HPSE2: variants seen among roughly 807,000 people sequenced by gnomAD.
HPSE2 encodes inactive heparanase-2.
In HPSE2, 38 loss-of-function variants were observed where a neutral mutation model predicts 60.5. The ratio of observed to expected loss-of-function variants is 0.63; its 90% CI spans 0.48 to 0.82. The LOEUF (loss-of-function observed/expected upper bound fraction) is 0.82. HPSE2 is among the 40% of genes least tolerant of loss of function. HPSE2 has a pLI of 0.00. For synonymous variants in HPSE2, 295 were observed against 293.2 expected (o/e 1.01, Z -0.06); for missense variants, 713 against 740.4 (o/e 0.96, Z 0.43).
At chr10:99,203,886 G>A (rs907713006) in intron 2 of HPSE2, among the ~76,000 whole-genome samples, 1 of 100,818 alleles carries the variant, frequency 9.9e-6, no homozygotes, top group Non-Finnish European at 2.6e-5. Context: ...CCAGGCCCAA[G>A]GGTCCAGGCC....
At chr10:99,146,380 G>C (rs964927012) in intron 2 of HPSE2, among the ~76,000 whole-genome samples, 2 of 152,198 alleles carry the variant, frequency 1.3e-5, no homozygotes, top group Non-Finnish European at 2.9e-5. Context: ...TATGTAACAT[G>C]GTTCTGGAAA....
At chr10:99,311,965 A>G in the HPSE2 span, among the ~76,000 whole-genome samples, 1 of 152,228 alleles carries the variant, frequency 6.6e-6, no homozygotes. Context: ...TCTAGATAGA[A>G]GATCAACCCA....
chr10:99,173,670 G>A (rs774564782), intron 2 of HPSE2, among the ~76,000 whole-genome samples: 8 of 152,090 alleles, frequency 5.3e-5, no homozygotes, highest in South Asian at 2.1e-4. Context: ...GAGGCCAGGC[G>A]CGGTGGCTCA....
chr10:98,742,960 TTTCC>T (rs1384671156), intron 4 of HPSE2, among the ~76,000 whole-genome samples: 4 of 118,368 alleles, frequency 3.4e-5, no homozygotes, highest in South Asian at 2.9e-4. Flanking sequence ...TCTTCTTTTT[TTTCC>T]TTTTCTTTTC....
At chr10:98,669,096 AAAG>A (rs1383666091) in intron 6 of HPSE2, among the ~76,000 whole-genome samples, 1 of 151,888 alleles carries the variant, frequency 6.6e-6, no homozygotes, top group Non-Finnish European at 1.5e-5. Context: ...ATGCTTATCA[AAAG>A]AAGATGTACA....
intron 2 of HPSE2, among the ~76,000 whole-genome samples, chr10:99,179,141 T>C (rs1262364810): frequency 6.6e-6 from 1 of 152,216 alleles, no homozygotes. Context: ...GACCTACTTA[T>C]GACAAACTCA....
At chr10:99,013,441 C>T in intron 3 of HPSE2, 2 of 505,076 alleles carry the variant, frequency 4.0e-6, no homozygotes, top group Non-Finnish European at 7.5e-6. Flanking sequence ...CACCAATATC[C>T]TCCATTAGGA....
rs529688495 is a variant in HPSE2, at chr10:98,906,496, G to A, written c.611-162440C>T. ...GGTGCCAAAGGAACATTAGAGGAAA[G>A]GTTAAAGGAATTTGAAATATTTATT... On this transcript the variant is annotated intron_variant, in intron 3 of 11. Transcript: ENST00000370552. Among the ~76,000 whole-genome samples the A allele has an allele frequency of 1.1e-4, 17 of 152,234 alleles. No individual in the cohort carries two copies. In the East Asian group the frequency reaches 3.1e-3, roughly 28 times the overall value.
At chr10:99,000,924 GCA>G (rs2135372685) in intron 3 of HPSE2, among the ~76,000 whole-genome samples, 1 of 152,136 alleles carries the variant, frequency 6.6e-6, no homozygotes, top group African/African-American at 2.4e-5. Context: ...TCCCCTGCGT[GCA>G]CAGTGTTATA....
At chr10:99,100,162 G>C (rs1410076961) in intron 3 of HPSE2, among the ~76,000 whole-genome samples, 1 of 152,184 alleles carries the variant, frequency 6.6e-6, no homozygotes, top group Non-Finnish European at 1.5e-5. Context: ...GACAAGTTGA[G>C]AGAAGAAGGC....
At chr10:99,237,085 C>T (rs1333983868), upstream of HPSE2, among the ~76,000 whole-genome samples, 1 of 152,140 alleles carries the variant, frequency 6.6e-6, no homozygotes, top group Non-Finnish European at 1.5e-5. Flanking sequence ...CATTGAGCTT[C>T]CACCCCACAA....
At chr10:99,146,654 G>A (rs1209450166) in intron 2 of HPSE2, among the ~76,000 whole-genome samples, 6 of 152,170 alleles carry the variant, frequency 3.9e-5, no homozygotes, top group Non-Finnish European at 7.3e-5. Flanking sequence ...TTGAGGTCAG[G>A]AGTTCAAGAC....
chr10:98,736,109 G>A (rs946585046), intron 4 of HPSE2, among the ~76,000 whole-genome samples: 1 of 152,112 alleles, frequency 6.6e-6, no homozygotes, highest in Admixed American at 6.6e-5. Context: ...GACCCAGTGG[G>A]AGATAATTGA....
intron 3 of HPSE2, among the ~76,000 whole-genome samples, chr10:98,809,766 T>C (rs2134565031): frequency 6.6e-6 from 1 of 152,306 alleles, no homozygotes; most frequent in African/African-American, 2.4e-5. Context: ...AATAAAAGTA[T>C]ACATCTATGC....
the HPSE2 span, among the ~76,000 whole-genome samples, chr10:99,254,047 G>C: frequency 6.6e-6 from 1 of 152,160 alleles, no homozygotes; most frequent in Non-Finnish European, 1.5e-5. Context: ...ATTCAATCCA[G>C]CAATCTCGTT....
At chr10:98,945,965 A>G (rs1435246038) in intron 3 of HPSE2, among the ~76,000 whole-genome samples, 1 of 152,162 alleles carries the variant, frequency 6.6e-6, no homozygotes, top group African/African-American at 2.4e-5. Context: ...GTCAACTTAT[A>G]TGCAGATTTT....
At chr10:99,218,708 T>G (rs1037889479) in intron 2 of HPSE2, among the ~76,000 whole-genome samples, 35 of 152,210 alleles carry the variant, frequency 2.3e-4, no homozygotes, top group Non-Finnish European at 1.8e-4. Context: ...GGGGTGCCAT[T>G]CATTTGCTTC....
At chr10:99,141,674 C>G (rs1172159565) in intron 3 of HPSE2, among the ~76,000 whole-genome samples, 2 of 151,980 alleles carry the variant, frequency 1.3e-5, no homozygotes, top group Admixed American at 6.6e-5. Flanking sequence ...TTGCCCTTAT[C>G]TGGAGTAAAT....
chr10:99,129,483 C>G (rs1845296380), intron 3 of HPSE2, among the ~76,000 whole-genome samples: 1 of 151,950 alleles, frequency 6.6e-6, no homozygotes, highest in Admixed American at 6.6e-5. Flanking sequence ...AAAAGAAACC[C>G]TCAGAACTAT....
Sources: allele counts gnomAD v4.1 joint callset (sites outside exome capture counted in the v4.1 genomes callset), GRCh38; gene constraint gnomAD v4.1.1; transcripts MANE v1.5; gene names NCBI Gene and HGNC (gene_info 2026-07-23, HGNC 2026-07-21).